The following DIP2B variants were observed in gnomAD, a reference collection of about 807,000 sequenced individuals.
The protein encoded by DIP2B is DIP2 acetate--CoA ligase B (putative).
Under a neutral mutation model 198.0 loss-of-function variants are expected in DIP2B, and 76 were observed. The observed-to-expected ratio is 0.38, with a 90% confidence interval of 0.32 to 0.46. DIP2B has a LOEUF of 0.46. Ranked by LOEUF, DIP2B falls within the 20% of genes least tolerant of loss-of-function variation. The pLI, the probability that DIP2B is intolerant of heterozygous loss-of-function variation, is 0.99. For missense variants in DIP2B, 1,559 were observed against 1,978.4 expected (o/e 0.79, Z 4.02); for synonymous variants, 701 against 739.1 (o/e 0.95, Z 0.84).
chr12:50,531,297 C>T (rs1958215036), intron 1 of DIP2B, among the ~76,000 whole-genome samples: 1 of 152,170 alleles, frequency 6.6e-6, no homozygotes, highest in South Asian at 2.1e-4. Flanking sequence ...ATCCGCCCAC[C>T]TCGGCCTCCC....
intron 1 of DIP2B, among the ~76,000 whole-genome samples, chr12:50,564,729 C>G (rs1264195499): frequency 2.0e-5 from 3 of 152,144 alleles, no homozygotes; most frequent in African/African-American, 7.2e-5. Flanking sequence ...TGGTATTTGC[C>G]TTTTCTTCAT....
intron 1 of DIP2B, among the ~76,000 whole-genome samples, chr12:50,603,095 T>C (rs1488494289): frequency 6.7e-6 from 1 of 148,954 alleles, no homozygotes; most frequent in Non-Finnish European, 1.5e-5. Flanking sequence ...ACCCGGGAGG[T>C]GGAGCTTGCA....
intron 8 of DIP2B, chr12:50,679,088 C>T (rs1467328009): frequency 1.7e-6 from 1 of 573,884 alleles, no homozygotes; most frequent in African/African-American, 1.9e-5. Flanking sequence ...ATTTAAAAGA[C>T]AGCAAAAAGA....
rs903927858 is a variant in DIP2B, at chr12:50,551,382, C to T, written c.100+46142C>T. Among the ~76,000 whole-genome samples the T allele has an allele frequency of 2.6e-5, 4 of 151,618 alleles. No individual in the cohort carries two copies. The South Asian group carries it at 8.3e-4, about 32-fold the overall frequency. On this transcript the variant is annotated intron_variant, in intron 1 of 37. Coordinates refer to ENST00000301180, the MANE Select transcript of DIP2B (RefSeq NM_173602.3). ...AGGTTGCAGTGAGCCAAGATCAAGC[C>T]ACTGCACTCCACCCTGGGCAACAGA... is the stretch of plus-strand genomic sequence containing the variant.
At chr12:50,613,697 A>G (rs1959050069) in intron 1 of DIP2B, among the ~76,000 whole-genome samples, 1 of 152,180 alleles carries the variant, frequency 6.6e-6, no homozygotes, top group Non-Finnish European at 1.5e-5. Context: ...CCACACCCAT[A>G]AAGCACTCAC....
intron 14 of DIP2B, among the ~76,000 whole-genome samples, chr12:50,694,010 A>G (rs1447967955): frequency 6.6e-6 from 1 of 152,140 alleles, no homozygotes; most frequent in Non-Finnish European, 1.5e-5. Flanking sequence ...ATGACCCCTC[A>G]ACACCTTCAG....
rs532576093 is a variant in DIP2B at position 50,728,456 on chromosome 12, A to C, written c.3511-92A>C. The stretch of plus-strand genomic sequence containing the variant: ...AATTATGCATTGTTTTGAGGAGTTT[A>C]GGGAATTGAAACTCCTCAAAGCTGT... On this transcript the variant is annotated intron_variant, in intron 29 of 37. Transcript: ENST00000301180. 12 of 1,415,902 alleles carry C rather than the reference A, an allele frequency of 8.5e-6. No individual in the cohort carries two copies. In the Admixed American group the frequency reaches 2.6e-4, roughly 30 times the overall value. The allele number at this position is 1,415,902 out of a possible 1,614,324, so 87.7% of individuals were successfully genotyped here.
At chr12:50,537,509 T>C (rs1174593189) in intron 1 of DIP2B, among the ~76,000 whole-genome samples, 1 of 152,042 alleles carries the variant, frequency 6.6e-6, no homozygotes, top group African/African-American at 2.4e-5. Context: ...ATTTTGGACA[T>C]GTTGGAGTCT....
chr12:50,670,292 G>C (rs1399334432), intron 4 of DIP2B, among the ~76,000 whole-genome samples: 1 of 152,060 alleles, frequency 6.6e-6, no homozygotes, highest in Non-Finnish European at 1.5e-5. Flanking sequence ...TGCTTGGAAA[G>C]CTTACCTGTG....
At chr12:50,531,328 G>A (rs940797630) in intron 1 of DIP2B, among the ~76,000 whole-genome samples, 2 of 152,248 alleles carry the variant, frequency 1.3e-5, no homozygotes, top group South Asian at 2.1e-4. Context: ...GATTATAGGT[G>A]TGAGCCGCTG....
chr12:50,718,683 G>A lies in DIP2B; in HGVS notation c.2852-26G>A, dbSNP rs1202512928. On this transcript the variant is annotated intron_variant, in intron 23 of 37. Coordinates refer to ENST00000301180, the MANE Select transcript of DIP2B (RefSeq NM_173602.3). ...CTTAGTTGGAATCGCCATCTCCAGT[G>A]AGTTGGGTTTTGCATTTATTTACAG... The A allele has an allele frequency of 5.0e-6, 8 of 1,600,782 alleles. No individual in the cohort carries two copies. In the African/African-American group the frequency reaches 1.1e-4, roughly 21 times the overall value.
chr12:50,686,785 A>G, intron 12 of DIP2B, 103 bp downstream of exon 12: 1 of 1,032,062 alleles, frequency 9.7e-7, no homozygotes, highest in Non-Finnish European at 1.4e-6. Flanking sequence ...ATGTTAGAAG[A>G]TCCTCCTGCT....
intron 1 of DIP2B, among the ~76,000 whole-genome samples, chr12:50,513,628 C>CA (rs1270363616): frequency 6.6e-6 from 1 of 152,168 alleles, no homozygotes. Flanking sequence ...AATCCCAATA[C>CA]TTTGGGAGGC....
chr12:50,723,180 G>A (rs745547247), intron 26 of DIP2B, 22 bp from the exon 27 acceptor site: 3 of 1,613,708 alleles, frequency 1.9e-6, no homozygotes, highest in Non-Finnish European at 2.5e-6. Context: ...TGACTCTCCT[G>A]ACAGGGTCCT....
At chr12:50,695,066 G>T (rs1416030423) in intron 14 of DIP2B, among the ~76,000 whole-genome samples, 1 of 152,060 alleles carries the variant, frequency 6.6e-6, no homozygotes, top group Non-Finnish European at 1.5e-5. Flanking sequence ...ATTATCTCTG[G>T]CGAGGAGAGG....
At chr12:50,687,600 T>G (rs1207360908) in intron 12 of DIP2B, among the ~76,000 whole-genome samples, 1 of 152,124 alleles carries the variant, frequency 6.6e-6, no homozygotes. Flanking sequence ...TAGATGAAGC[T>G]GGAAGCCATC....
chr12:50,505,456 G>C (rs1331249952), intron 1 of DIP2B, among the ~76,000 whole-genome samples: 1 of 152,188 alleles, frequency 6.6e-6, no homozygotes, highest in African/African-American at 2.4e-5. Flanking sequence ...GACTAAGTAA[G>C]GGCTTGTGGA....
At chr12:50,539,871 A>G (rs1179583355) in intron 1 of DIP2B, among the ~76,000 whole-genome samples, 1 of 151,952 alleles carries the variant, frequency 6.6e-6, no homozygotes, top group African/African-American at 2.4e-5. Context: ...TGAATTTTCT[A>G]TGAGTGGAAT....
At chr12:50,534,369 A>ATTTTTTTTTTTTTT (rs72095442) in intron 1 of DIP2B, among the ~76,000 whole-genome samples, 1 of 107,870 alleles carries the variant, frequency 9.3e-6, no homozygotes, top group Non-Finnish European at 1.8e-5. Flanking sequence ...TTCTCATTTC[A>ATTTTTTTTTTTTTT]TTTTTTTTTT....
Sources: allele counts gnomAD v4.1 joint callset (sites outside exome capture counted in the v4.1 genomes callset), GRCh38; gene constraint gnomAD v4.1.1; transcripts MANE v1.5; gene names NCBI Gene and HGNC (gene_info 2026-07-23, HGNC 2026-07-21).